Variants in FCHO2 observed in about 807,000 individuals in gnomAD.
FCHO2 encodes the protein F-BAR domain only protein 2.
Under a neutral mutation model 114.1 loss-of-function variants are expected in FCHO2, and 43 were observed. That is an observed-to-expected ratio of 0.38 (90% CI 0.30 to 0.49). FCHO2 has a LOEUF of 0.49. Ranked by LOEUF, FCHO2 falls within the 20% of genes least tolerant of loss-of-function variation. The pLI is 0.97. For missense variants in FCHO2, 807 were observed against 950.4 expected (o/e 0.85, Z 1.98); for synonymous variants, 293 against 315.2 (o/e 0.93, Z 0.75).
At chr5:73,041,565 A>G (rs2112810277) in intron 11 of FCHO2, among the ~76,000 whole-genome samples, 1 of 152,184 alleles carries the variant, frequency 6.6e-6, no homozygotes, top group Non-Finnish European at 1.5e-5. Flanking sequence ...GAGTGGTGCC[A>G]TATCATTCTG....
chr5:72,994,796 GATT>G (rs1395743702), intron 5 of FCHO2, among the ~76,000 whole-genome samples: 2 of 152,178 alleles, frequency 1.3e-5, no homozygotes, highest in African/African-American at 4.8e-5. Context: ...AAAAGAATGA[GATT>G]ATATCTTTTG....
intron 17 of FCHO2, among the ~76,000 whole-genome samples, chr5:73,060,724 A>C (rs569428923): frequency 6.6e-6 from 1 of 152,178 alleles, no homozygotes; most frequent in South Asian, 2.1e-4. Flanking sequence ...AGGCTAAAAA[A>C]TAATTTCAAT....
intron 8 of FCHO2, among the ~76,000 whole-genome samples, chr5:73,031,109 T>G (rs1479181920): frequency 1.3e-5 from 2 of 152,192 alleles, no homozygotes; most frequent in Admixed American, 1.3e-4. Context: ...TGGAGTGTGA[T>G]TCTCTTTTTT....
chr5:73,042,441 T>C (rs1386432076), intron 11 of FCHO2, among the ~76,000 whole-genome samples: 1 of 152,224 alleles, frequency 6.6e-6, no homozygotes, highest in Non-Finnish European at 1.5e-5. Context: ...ACTTCATGTT[T>C]TAGTTTACAT....
intron 8 of FCHO2, among the ~76,000 whole-genome samples, chr5:73,026,302 T>C (rs1209660868): frequency 6.6e-6 from 1 of 151,872 alleles, no homozygotes; most frequent in Non-Finnish European, 1.5e-5. Context: ...AAACCCTGTC[T>C]CTACTAAAAA....
At chr5:73,047,632 C>G (rs910878711) in intron 11 of FCHO2, among the ~76,000 whole-genome samples, 2 of 151,486 alleles carry the variant, frequency 1.3e-5, no homozygotes, top group African/African-American at 2.4e-5. Context: ...GTTCTAGAAC[C>G]CCCTGAGGAT....
chr5:73,047,112 G>A (rs753435557), intron 11 of FCHO2, among the ~76,000 whole-genome samples: 3 of 152,126 alleles, frequency 2.0e-5, no homozygotes, highest in Non-Finnish European at 4.4e-5. Context: ...ATAATACGAA[G>A]AACACTTGTA....
chr5:72,984,694 C>G (rs1753409901), intron 2 of FCHO2, among the ~76,000 whole-genome samples: 1 of 152,122 alleles, frequency 6.6e-6, no homozygotes, highest in African/African-American at 2.4e-5. Context: ...GACAGGGTCT[C>G]ACTGTCATCC....
chr5:73,037,343 C>A (rs1580144599), intron 10 of FCHO2, 128 bp downstream of exon 10: 1 of 491,774 alleles, frequency 2.0e-6, no homozygotes, highest in Non-Finnish European at 3.4e-6. Flanking sequence ...GTGTGAAAAA[C>A]AAGCCTTTCT....
chr5:73,068,157 C>T (rs1273943714), intron 18 of FCHO2, among the ~76,000 whole-genome samples: 1 of 151,968 alleles, frequency 6.6e-6, no homozygotes, highest in Non-Finnish European at 1.5e-5. Flanking sequence ...ATACTAAAAC[C>T]TCCCCAAATT....
At chr5:72,986,028 A>G (rs746258286) in intron 2 of FCHO2, among the ~76,000 whole-genome samples, 12 of 150,976 alleles carry the variant, frequency 7.9e-5, no homozygotes, top group Non-Finnish European at 1.5e-4. Context: ...TCTGTTTTTC[A>G]TTCTTTTTTG....
intron 3 of FCHO2, among the ~76,000 whole-genome samples, chr5:72,989,917 A>G (rs535047290): frequency 1.6e-4 from 24 of 152,088 alleles, no homozygotes; most frequent in African/African-American, 5.3e-4. Context: ...GATTTTATAG[A>G]CTGTCATTAA....
In FCHO2 at chr5:73,058,490, A is replaced by T; in HGVS notation, c.1311A>T (p.Ser437=). Residue 437 remains serine, a synonymous_variant, in exon 17 of 26, where the codon TCA becomes TCT. Coordinates refer to ENST00000430046, the MANE Select transcript of FCHO2 (RefSeq NM_138782.3). ...WDPLFGPSLD[S]SSSSSLTSSS... ...CCCTATTTGGACCATCTCTTGATTCATCTTCTTCATCTTCACTAACTTCAT... is the reference window on the plus strand; with the variant it reads ...CCCTATTTGGACCATCTCTTGATTCTTCTTCTTCATCTTCACTAACTTCAT... 1 of 1,532,044 alleles carries T rather than the reference A, an allele frequency of 6.5e-7. No homozygotes were observed. The highest frequency in any genetic ancestry group is 1.4e-5 in the African/African-American group (1 of 73,398). The allele number at this position is 1,532,044 out of a possible 1,614,324, so 94.9% of individuals were successfully genotyped here.
chr5:72,957,197 G>T (rs1751599015), intron 1 of FCHO2, among the ~76,000 whole-genome samples: 1 of 151,826 alleles, frequency 6.6e-6, no homozygotes, highest in Non-Finnish European at 1.5e-5. Context: ...TAGACCTTAG[G>T]TGTTTTGTTT....
intron 2 of FCHO2, among the ~76,000 whole-genome samples, chr5:72,980,643 A>G (rs1276483830): frequency 6.6e-6 from 1 of 152,172 alleles, no homozygotes. Context: ...TATTAGGTGC[A>G]TATATATTTA....
intron 5 of FCHO2, among the ~76,000 whole-genome samples, chr5:73,003,406 G>A (rs978860834): frequency 9.2e-5 from 14 of 152,034 alleles, no homozygotes; most frequent in Non-Finnish European, 1.8e-4. Flanking sequence ...TGAACTCCTA[G>A]CCTCAAGTGA....
chr5:73,087,840 A>T, intron 25 of FCHO2, 87 bp downstream of exon 25: 1 of 1,500,320 alleles, frequency 6.7e-7, no homozygotes, highest in Admixed American at 2.3e-5. Context: ...GCAATTTATA[A>T]TCTAAAGACA....
At position 73,053,183 on chromosome 5, in the gene FCHO2, T is replaced by A. The variant is rs532954849; in HGVS notation, c.1173+676T>A. The stretch of plus-strand genomic sequence containing the variant: ...GTCTGTTCTTCTTGATAATGAAGAA[T>A]AAAGGTTCTCACCGTTTCATATTGT... On this transcript the variant is annotated intron_variant, in intron 13 of 25. Transcript: ENST00000430046. Among the ~76,000 whole-genome samples, 109 of 152,358 alleles carry A rather than the reference T, an allele frequency of 7.2e-4. No individual in the cohort carries two copies. The South Asian group carries it at 9.1e-3, about 13-fold the overall frequency.
chr5:73,080,106 A>G (rs1181776293), intron 22 of FCHO2, among the ~76,000 whole-genome samples: 1 of 152,210 alleles, frequency 6.6e-6, no homozygotes, highest in Non-Finnish European at 1.5e-5. Flanking sequence ...GACACATAAG[A>G]TGAACCACAG....
Sources: allele counts gnomAD v4.1 joint callset (sites outside exome capture counted in the v4.1 genomes callset), GRCh38; gene constraint gnomAD v4.1.1; transcripts MANE v1.5; gene names NCBI Gene and HGNC (gene_info 2026-07-23, HGNC 2026-07-21).